TOGARAM1: variants seen among roughly 807,000 people sequenced by gnomAD.
The protein encoded by TOGARAM1 is TOG array regulator of axonemal microtubules protein 1.
A neutral mutation model predicts 166.6 loss-of-function variants in TOGARAM1; 100 were observed. The ratio of observed to expected loss-of-function variants is 0.60; its 90% CI spans 0.51 to 0.71. TOGARAM1 has a LOEUF of 0.71. Among genes scored for constraint, TOGARAM1 ranks in the 30% least tolerant of loss-of-function variants. The pLI is 0.00. For missense variants in TOGARAM1, 2,029 were observed against 2,102.7 expected, an observed-to-expected ratio of 0.96 and a Z score of 0.69; for synonymous variants, 758 against 763.8, an observed-to-expected ratio of 0.99 and a Z score of 0.13.
chr14:45,054,593 T>C (rs749534393), intron 16 of TOGARAM1, 44 bp downstream of exon 16: 2 of 1,336,350 alleles, frequency 1.5e-6, no homozygotes, highest in Non-Finnish European at 2.1e-6. Context: ...TACTCCCTTG[T>C]GATAGTAGTC....
At position 45,028,195 on chromosome 14, in the gene TOGARAM1, A is replaced by C. The variant is rs200001069; in HGVS notation, c.3524A>C (p.Lys1175Thr). The change falls in exon 10 of 20, where the codon AAA (lysine) becomes ACA (threonine). Residue 1175 changes from lysine (K) to threonine (T), a missense_variant. Physicochemically the swap from Lys to Thr is moderately conservative, Grantham distance 78. Coordinates refer to ENST00000361462, the MANE Select transcript of TOGARAM1 (RefSeq NM_001308120.2). ...ATGCAGGCTAAAGTTTCTATTTCTAAATCTACTTATAACAAGATGAGACAA... is the reference window on the plus strand; with the variant it reads ...ATGCAGGCTAAAGTTTCTATTTCTACATCTACTTATAACAAGATGAGACAA... The part of the protein sequence containing the change: ...NEKDAKVSIS[K>T]STYNKMRQKR... The C allele has an allele frequency of 6.4e-7, 1 of 1,574,646 alleles. No individual in the cohort carries two copies. Among genetic ancestry groups the C allele is most frequent in the Non-Finnish European group, 8.6e-7 (1 of 1,168,560 alleles).
At chr14:44,997,939 G>C (rs1444805189) in intron 2 of TOGARAM1, among the ~76,000 whole-genome samples, 1 of 152,134 alleles carries the variant, frequency 6.6e-6, no homozygotes, top group Non-Finnish European at 1.5e-5. Flanking sequence ...CCTATTAGAA[G>C]GGAAAATGGT....
chr14:45,007,777 A>G (rs936551199), intron 5 of TOGARAM1: 2 of 152,226 alleles, frequency 1.3e-5, no homozygotes, highest in Non-Finnish European at 1.5e-5. Context: ...TAATGTATCA[A>G]ACACTTTCAT....
intron 2 of TOGARAM1, among the ~76,000 whole-genome samples, chr14:44,999,088 A>T (rs1887568682): frequency 6.6e-6 from 1 of 152,178 alleles, no homozygotes; most frequent in African/African-American, 2.4e-5. Flanking sequence ...ATGCTGAGAG[A>T]AAGAGTGTAG....
intron 16 of TOGARAM1, among the ~76,000 whole-genome samples, chr14:45,055,871 G>T (rs1443288854): frequency 7.1e-6 from 1 of 141,300 alleles, no homozygotes; most frequent in Admixed American, 7.0e-5. Flanking sequence ...CCAAAAAAAG[G>T]TTCAGTGAGC....
intron 6 of TOGARAM1, among the ~76,000 whole-genome samples, chr14:45,010,029 G>A (rs1445002997): frequency 6.6e-6 from 1 of 152,154 alleles, no homozygotes; most frequent in African/African-American, 2.4e-5. Context: ...ATTTGGTGGT[G>A]TCATTCTTAA....
chr14:44,988,620 A>G lies in TOGARAM1; in HGVS notation c.2047-7126A>G, dbSNP rs558053675. On this transcript the variant is annotated intron_variant, in intron 1 of 19. Coordinates refer to ENST00000361462, the MANE Select transcript of TOGARAM1 (RefSeq NM_001308120.2). ...GAGTGGTAGTTTCAAATATGTTTTC[A>G]TAAATTCTTTGAGATTCTTCCTTTG... is the stretch of plus-strand genomic sequence containing the variant. Among the ~76,000 whole-genome samples the G allele has an allele frequency of 4.6e-5, 7 of 152,348 alleles. No homozygotes were observed. The South Asian group carries it at 1.4e-3, about 32-fold the overall frequency.
chr14:44,989,276 T>G (rs1388869053), intron 1 of TOGARAM1, among the ~76,000 whole-genome samples: 1 of 152,254 alleles, frequency 6.6e-6, no homozygotes, highest in Non-Finnish European at 1.5e-5. Flanking sequence ...GACATTTTTC[T>G]GACTCACTTC....
intron 7 of TOGARAM1, among the ~76,000 whole-genome samples, chr14:45,012,286 A>G (rs1435966765): frequency 2.0e-5 from 3 of 152,166 alleles, no homozygotes; most frequent in Admixed American, 6.5e-5. Context: ...AATCTCTTTT[A>G]AAGCTCAATT....
At chr14:45,043,431 C>T (rs1293058574) in intron 11 of TOGARAM1, among the ~76,000 whole-genome samples, 5 of 152,110 alleles carry the variant, frequency 3.3e-5, no homozygotes, top group Non-Finnish European at 7.4e-5. Flanking sequence ...CTGCCTCGGC[C>T]TCCCAAAGTG....
chr14:45,003,451 C>A (rs566688122), intron 3 of TOGARAM1, among the ~76,000 whole-genome samples: 2 of 152,098 alleles, frequency 1.3e-5, no homozygotes, highest in South Asian at 4.2e-4. Context: ...GAATTAAAAT[C>A]AAATGTATGA....
intron 19 of TOGARAM1, among the ~76,000 whole-genome samples, chr14:45,073,006 G>A (rs970693136): frequency 6.6e-6 from 1 of 152,120 alleles, no homozygotes; most frequent in East Asian, 1.9e-4. Context: ...TTAAAACTGT[G>A]TACATTTTTG....
Position 44,962,588 on chromosome 14 carries a change from A to T in TOGARAM1, c.167A>T (p.Asp56Val). The change falls in exon 1 of 20, where the codon GAC (aspartate) becomes GTC (valine). Residue 56 changes from aspartate (D) to valine (V), a missense_variant. This residue lies in a region of TOGARAM1 where 1,453 missense variants were observed against 1,432.2 expected (regional missense o/e 1.01). Transcript: ENST00000361462. ...TACTACTTCCGTGGAGCTGCGGGGG[A>T]CCACGGTTCCTGCCCCACTACAACT... ...KNYYFRGAAG[D>V]HGSCPTTTSP... 1 of 1,613,696 alleles carries T rather than the reference A, an allele frequency of 6.2e-7. No individual in the cohort carries two copies. Among genetic ancestry groups the T allele is most frequent in the Non-Finnish European group, 8.5e-7 (1 of 1,179,746 alleles).
At chr14:45,067,393 A>G (rs181572546) in intron 17 of TOGARAM1, among the ~76,000 whole-genome samples, 94 of 152,260 alleles carry the variant, frequency 6.2e-4, no homozygotes, top group African/African-American at 2.2e-3. Flanking sequence ...AAAACTTTCC[A>G]TATGTGGGTT....
intron 11 of TOGARAM1, among the ~76,000 whole-genome samples, chr14:45,033,922 G>A (rs1881295290): frequency 6.6e-6 from 1 of 152,146 alleles, no homozygotes; most frequent in Non-Finnish European, 1.5e-5. Context: ...CAGCACTTTG[G>A]GAGGCCAGAT....
chr14:45,019,449 A>AT (rs1402935307), intron 7 of TOGARAM1, among the ~76,000 whole-genome samples: 1 of 152,122 alleles, frequency 6.6e-6, no homozygotes, highest in Non-Finnish European at 1.5e-5. Flanking sequence ...GAAAAAAAAA[A>AT]CAAAAACCTT....
chr14:45,011,865 T>G (rs1250696997), intron 6 of TOGARAM1, 110 bp from the exon 7 acceptor site: 1 of 686,704 alleles, frequency 1.5e-6, no homozygotes, highest in African/African-American at 1.8e-5. Context: ...TATTGCTCCC[T>G]TATTATCTAA....
At chr14:45,032,075 G>C (rs1881192047) in intron 10 of TOGARAM1, 148 bp from the exon 11 acceptor site, 1 of 623,568 alleles carries the variant, frequency 1.6e-6, no homozygotes, top group Admixed American at 3.6e-5. Flanking sequence ...CAGGAGAATT[G>C]CTTGAAGCAG....
Position 45,068,625 on chromosome 14 carries a change from G to A in TOGARAM1, c.4951G>A (p.Ala1651Thr). Residue 1651 changes from alanine (A) to threonine (T), a missense_variant, in exon 18 of 20, where the codon GCA (alanine) becomes ACA (threonine). Coordinates refer to ENST00000361462, the MANE Select transcript of TOGARAM1 (RefSeq NM_001308120.2). ...IYAAATNVVQALSQHVDNYLL... is the reference protein window; with the variant it reads ...IYAAATNVVQTLSQHVDNYLL... Reference sequence around the variant, plus strand: ...TGCGGCTGCTACAAATGTTGTTCAGGCACTGAGTCAGCATGTAGGTAAGAA... The same window carrying A: ...TGCGGCTGCTACAAATGTTGTTCAGACACTGAGTCAGCATGTAGGTAAGAA... 1 of 1,602,826 alleles carries A rather than the reference G, an allele frequency of 6.2e-7. No individual in the cohort carries two copies. The highest frequency in any genetic ancestry group is 8.5e-7 in the Non-Finnish European group (1 of 1,174,706).
Sources: allele counts gnomAD v4.1 joint callset (sites outside exome capture counted in the v4.1 genomes callset), GRCh38; gene constraint gnomAD v4.1.1; regional missense constraint gnomAD v4.1.1; transcripts MANE v1.5; gene names NCBI Gene and HGNC (gene_info 2026-07-23, HGNC 2026-07-21).